Variants in KIF9 observed in about 807,000 individuals in gnomAD.
The protein encoded by KIF9 is kinesin-like protein KIF9.
KIF9 carries 68 observed loss-of-function variants against 94.8 expected under a neutral mutation model. The observed-to-expected ratio is 0.72, with a 90% CI of 0.59 to 0.88. KIF9 has a LOEUF of 0.88. Among genes scored for constraint, KIF9 ranks in the 40% least tolerant of loss-of-function variants. The probability of loss-of-function intolerance (pLI) is 0.00; values close to 1 mark genes in which losing one functional copy is unlikely to be tolerated. For synonymous variants in KIF9, 343 were observed against 362.1 expected (o/e 0.95, Z 0.60); for missense variants, 882 against 982.5 (o/e 0.90, Z 1.37).
At chr3:47,267,321 G>T in intron 5 of KIF9, 58 bp from the exon 6 acceptor site, 1 of 1,263,630 alleles carries the variant, frequency 7.9e-7, no homozygotes, top group Non-Finnish European at 1.2e-6. Context: ...CAAGGCACTT[G>T]GGTCATTTTT....
chr3:47,277,349 G>A lies in KIF9; in HGVS notation c.26C>T (p.Ala9Val). 6.2e-7 allele frequency: 1 copy of A among 1,613,788 alleles called. No homozygotes were observed. The highest frequency in any genetic ancestry group is 1.1e-5 in the South Asian group (1 of 91,026). MGTRKKVH[A>V]FVRVKPTDDF... is the part of the protein sequence containing the mutation. ...ATCGGTGGGTTTGACACGGACAAAT[G>A]CATGAACTTTTTTCCTAGTACCCAT... Residue 9 changes from alanine to valine, a missense_variant, in exon 2 of 21, where the codon GCA becomes GTA. By Grantham distance (64) the Ala-to-Val change is moderately conservative (BLOSUM62 0). Coordinates refer to ENST00000684063, the MANE Select transcript of KIF9 (RefSeq NM_182902.4).
rs190773799 is a variant in KIF9, at chr3:47,269,236, G to A, written c.592-1973C>T. ...GAGAACTTGCATAAAAAAATAAAGA[G>A]TTCCTAGCCTATATGACTTCTAAAA... On this transcript the variant is annotated intron_variant, in intron 5 of 20. Coordinates refer to ENST00000684063, the MANE Select transcript of KIF9 (RefSeq NM_182902.4). Among the ~76,000 whole-genome samples the A allele has an allele frequency of 1.6e-3, 245 of 152,324 alleles. 1 individual carries two copies. The highest frequency in any genetic ancestry group is 4.9e-3 in the African/African-American group (203 of 41,576).
chr3:47,275,452 T>A lies in KIF9; in HGVS notation c.132A>T (p.Gly44=), dbSNP rs754863456. ...DIHLKKDIRR[G]VVNNQQTDWS... is the part of the protein sequence containing the mutation. ...AGTCTGTCTGTTGGTTATTGACAAC[T>A]CCTCTCCGAATGTCTTTTTTTAAGT... The change falls in exon 3 of 21, where the codon GGA becomes GGT. Residue 44 remains glycine (G), a synonymous_variant. Transcript: ENST00000684063. The A allele has an allele frequency of 1.9e-6, 3 of 1,611,302 alleles. No homozygotes were observed. The highest frequency in any genetic ancestry group is 2.5e-6 in the Non-Finnish European group (3 of 1,179,042).
In KIF9 at chr3:47,256,796, TAAGAA is replaced by T. The variant is rs1468503233; in HGVS notation, c.1059+682_1059+686del. Among the ~76,000 whole-genome samples the T allele has an allele frequency of 2.6e-5, 4 of 152,228 alleles. No individual in the cohort carries two copies. In the East Asian group the frequency reaches 7.7e-4, roughly 29 times the overall value. On this transcript the variant is annotated intron_variant, in intron 10 of 20. Transcript: ENST00000684063. The stretch of plus-strand genomic sequence containing the variant: ...GGAGACCTTTCATTTTGTTCTGTGC[TAAGAA>T]AAGTTCTTCTGCCTTGGGATCCTGT...
chr3:47,239,824 C>G (rs1269035112), intron 17 of KIF9: 1 of 1,367,674 alleles, frequency 7.3e-7, no homozygotes, highest in Non-Finnish European at 9.8e-7. Context: ...AGGAATAAAC[C>G]AAGTGACATC....
intron 20 of KIF9, among the ~76,000 whole-genome samples, chr3:47,233,361 CAAAAAAA>C (rs966425803): frequency 7.6e-5 from 2 of 26,312 alleles, no homozygotes; most frequent in Non-Finnish European, 1.6e-4. Context: ...GACTCTGTCT[CAAAAAAA>C]AAAAAAAAAA....
At chr3:47,253,653 T>C (rs999907789) in intron 10 of KIF9, among the ~76,000 whole-genome samples, 1 of 152,216 alleles carries the variant, frequency 6.6e-6, no homozygotes, top group African/African-American at 2.4e-5. Flanking sequence ...TGCATGTTTT[T>C]ATATGTGGTG....
intron 17 of KIF9, chr3:47,238,664 T>G (rs571324076): frequency 2.6e-5 from 4 of 152,216 alleles, no homozygotes; most frequent in East Asian, 1.9e-4. Flanking sequence ...GATAAATTTT[T>G]TTTGTTTGTT....
intron 12 of KIF9, 101 bp from the exon 13 acceptor site, chr3:47,246,353 T>C: frequency 1.2e-6 from 1 of 834,134 alleles, no homozygotes; most frequent in Non-Finnish European, 1.8e-6. Flanking sequence ...GGCTGACCCC[T>C]GGACCATCTG....
chr3:47,263,142 C>T (rs1407972863), intron 9 of KIF9, among the ~76,000 whole-genome samples: 1 of 152,136 alleles, frequency 6.6e-6, no homozygotes, highest in African/African-American at 2.4e-5. Flanking sequence ...GGTGATCCAC[C>T]CGCTTCAGCC....
intron 9 of KIF9, among the ~76,000 whole-genome samples, chr3:47,260,641 T>G (rs1024717599): frequency 6.6e-6 from 1 of 152,060 alleles, no homozygotes; most frequent in Admixed American, 6.5e-5. Flanking sequence ...TCAACCCAGT[T>G]TTATAGACGA....
Position 47,247,404 on chromosome 3 carries a change from C to T in KIF9, c.1202G>A (p.Arg401Lys). 1 of 1,613,326 alleles carries T rather than the reference C, an allele frequency of 6.2e-7. No homozygotes were observed. Among genetic ancestry groups the T allele is most frequent in the Non-Finnish European group, 8.5e-7 (1 of 1,179,290 alleles). The change falls in exon 12 of 21, where the codon AGG becomes AAG. Residue 401 changes from arginine to lysine, a missense_variant. Coordinates refer to ENST00000684063, the MANE Select transcript of KIF9 (RefSeq NM_182902.4). ...CTCGTCCAGTGTCCCCTCCAGGTAC[C>T]TCCGCACCTGGGAGTTGATCTCAGC... ...QIAEINSQVR[R>K]YLEGTLDEID... is the part of the protein sequence containing the mutation.
intron 1 of KIF9, chr3:47,280,957 T>C: frequency 1.4e-6 from 1 of 703,066 alleles, no homozygotes; most frequent in South Asian, 1.5e-5. Flanking sequence ...CTTACTGAAA[T>C]ACTGCTTGTT....
At chr3:47,240,159 G>A (rs1699358156) in intron 17 of KIF9, 4 of 281,672 alleles carry the variant, frequency 1.4e-5, no homozygotes, top group Non-Finnish European at 2.9e-5. Flanking sequence ...GGCGGCGCAC[G>A]CCACCAGGAC....
chr3:47,238,956 C>A (rs910767458), intron 17 of KIF9, among the ~76,000 whole-genome samples: 1 of 152,222 alleles, frequency 6.6e-6, no homozygotes, highest in African/African-American at 2.4e-5. Flanking sequence ...AGCCACCGCG[C>A]CCAGCCGAAA....
At position 47,243,188 on chromosome 3, in the gene KIF9, G is replaced by A. The variant is rs114859513; in HGVS notation, c.1572C>T (p.Tyr524=). 1.9e-3 allele frequency: 3,097 copies of A among 1,613,722 alleles called. 28 individuals carry two copies. The highest frequency in any genetic ancestry group is 0.013 in the Admixed American group (787 of 60,016). The stretch of plus-strand genomic sequence containing the variant: ...CCAGCTGGGTCTTGGAGGTGGAAAC[G>A]TAATCCAAGTCCTTCCCATTCACAG... The part of the protein sequence containing the change: ...SSPVNGKDLD[Y]VSTSKTQLVP... The change falls in exon 16 of 21, where the codon TAC becomes TAT. Residue 524 remains tyrosine, a synonymous_variant. Transcript: ENST00000684063.
intron 1 of KIF9, 26 bp downstream of exon 1, chr3:47,282,469 C>T: frequency 1.0e-6 from 1 of 989,878 alleles, no homozygotes. Flanking sequence ...TCTCCCCACT[C>T]CCACCGGCGA....
intron 5 of KIF9, among the ~76,000 whole-genome samples, chr3:47,270,314 T>C (rs1701565163): frequency 6.6e-6 from 1 of 150,952 alleles, no homozygotes; most frequent in South Asian, 2.1e-4. Flanking sequence ...AGTGCAATGG[T>C]ACGATCTTGG....
chr3:47,277,283 CTTT>C lies in KIF9; in HGVS notation c.89_91del (p.Lys30del). The C allele has an allele frequency of 6.2e-7, 1 of 1,612,456 alleles. No individual in the cohort carries two copies. The highest frequency in any genetic ancestry group is 8.5e-7 in the Non-Finnish European group (1 of 1,178,678). ...TGAAGGCAAACACATCGCACTTACTCTTTTGTCATCTCCGTATCTGATCATTTC... is the reference window on the plus strand; with the variant it reads ...TGAAGGCAAACACATCGCACTTACTCTGTCATCTCCGTATCTGATCATTTC... On this transcript the variant is annotated inframe_deletion and splice_region_variant, in exon 2 of 21. Transcript: ENST00000684063.
Sources: allele counts gnomAD v4.1 joint callset (sites outside exome capture counted in the v4.1 genomes callset), GRCh38; gene constraint gnomAD v4.1.1; transcripts MANE v1.5; gene names NCBI Gene and HGNC (gene_info 2026-07-23, HGNC 2026-07-21).